Variants in CCDC180 observed in about 807,000 individuals in gnomAD.
CCDC180 encodes the protein coiled-coil domain containing 180, also known as coiled-coil domain-containing protein 180.
CCDC180 carries 154 observed loss-of-function variants against 209.2 expected under a neutral mutation model. The ratio of observed to expected loss-of-function variants is 0.74; its 90% CI spans 0.65 to 0.84. CCDC180 has a LOEUF of 0.84. Among genes scored for constraint, CCDC180 ranks in the 40% least tolerant of loss-of-function variants. The pLI, the probability that CCDC180 is intolerant of heterozygous loss-of-function variation, is 0.00. For synonymous variants in CCDC180, 778 were observed against 749.1 expected, an observed-to-expected ratio of 1.04 and a Z score of -0.63; for missense variants, 1,874 against 1,997.3, an observed-to-expected ratio of 0.94 and a Z score of 1.18.
Position 97,317,107 on chromosome 9 carries a change from C to A in CCDC180, c.838C>A (p.Gln280Lys). The change falls in exon 9 of 37, where the codon CAG becomes AAG. Residue 280 changes from glutamine (Q) to lysine (K), a missense_variant. Transcript: ENST00000529487. ...GCTGGGCAACCGGAAGGCTCTCGCC[C>A]AGCTGTTTGTCAACCTGATGGAGTC... ...ALLGNRKALAQLFVNLMESTL... is the reference protein window; with the variant it reads ...ALLGNRKALAKLFVNLMESTL... 6.2e-7 allele frequency: 1 copy of A among 1,613,480 alleles called. No homozygotes were observed. The highest frequency in any genetic ancestry group is 2.2e-5 in the East Asian group (1 of 44,870).
intron 18 of CCDC180, among the ~76,000 whole-genome samples, chr9:97,335,724 C>G (rs969435450): frequency 6.6e-6 from 1 of 152,204 alleles, no homozygotes; most frequent in African/African-American, 2.4e-5. Flanking sequence ...AATGGTATTT[C>G]TAGTTCTAGA....
At chr9:97,362,081 G>T in intron 27 of CCDC180, 115 bp from the exon 28 acceptor site, 5 of 1,452,140 alleles carry the variant, frequency 3.4e-6, no homozygotes, top group Non-Finnish European at 4.7e-6. Context: ...AATGGGGCTC[G>T]TGACAGGACT....
Position 97,346,579 on chromosome 9 carries a change from C to T in CCDC180, c.2499-735C>T, listed in dbSNP as rs57929025. ...TATTCACAACAGAGAAATGGGCAAACGACATTCATGGACAGTACACAGAAA... is the reference window on the plus strand; with the variant it reads ...TATTCACAACAGAGAAATGGGCAAATGACATTCATGGACAGTACACAGAAA... On this transcript the variant is annotated intron_variant, in intron 19 of 36. Coordinates refer to ENST00000529487, the MANE Select transcript of CCDC180 (RefSeq NM_020893.6). Among the ~76,000 whole-genome samples the T allele has an allele frequency of 5.6e-3, 850 of 152,238 alleles. 13 individuals are homozygous for T. The highest frequency in any genetic ancestry group is 0.018 in the African/African-American group (767 of 41,526).
chr9:97,354,929 A>G lies in CCDC180; in HGVS notation c.3185A>G (p.His1062Arg), dbSNP rs140941396. 5.2e-5 allele frequency: 84 copies of G among 1,614,068 alleles called. No individual in the cohort carries two copies. The African/African-American group carries it at 9.9e-4, about 19-fold the overall frequency. The change falls in exon 24 of 37, where the codon CAT becomes CGT. Residue 1062 changes from histidine to arginine, a missense_variant. Physicochemically the swap from His to Arg is conservative, Grantham distance 29. Coordinates refer to ENST00000529487, the MANE Select transcript of CCDC180 (RefSeq NM_020893.6). ...ATCAACAAGTTTGAAAGCAAATTCC[A>G]TAACCTGTCTGTGGACCTTATTTTC... ...DVINKFESKFHNLSVDLIFIE... is the reference protein window; with the variant it reads ...DVINKFESKFRNLSVDLIFIE...
chr9:97,341,063 T>A (rs1357377240), intron 18 of CCDC180, among the ~76,000 whole-genome samples: 2 of 152,340 alleles, frequency 1.3e-5, no homozygotes, highest in East Asian at 3.9e-4. Context: ...TCTTTCTCTT[T>A]GTCTCCTCTC....
At position 97,366,323 on chromosome 9, in the gene CCDC180, C is replaced by G. The variant is rs556728086; in HGVS notation, c.4048-236C>G. Among the ~76,000 whole-genome samples, 1 of 152,218 alleles carries G rather than the reference C, an allele frequency of 6.6e-6. No individual in the cohort carries two copies. Among genetic ancestry groups the G allele is most frequent in the Non-Finnish European group, 1.5e-5 (1 of 68,044 alleles). On this transcript the variant is annotated intron_variant, in intron 30 of 36. Coordinates refer to ENST00000529487, the MANE Select transcript of CCDC180 (RefSeq NM_020893.6). The surrounding 1 kb of genome is among the most constrained non-coding windows in gnomAD (Gnocchi z 4.3). Reference sequence around the variant, plus strand: ...CTTGAAGGATAAATAGGATTCTTGCCAGTCACTCATTCAGGAAATAACGAG... The same window carrying G: ...CTTGAAGGATAAATAGGATTCTTGCGAGTCACTCATTCAGGAAATAACGAG...
chr9:97,364,112 C>T lies in CCDC180; in HGVS notation c.3964C>T (p.Pro1322Ser). The T allele has an allele frequency of 1.2e-6, 2 of 1,614,108 alleles. No individual in the cohort carries two copies. Among genetic ancestry groups the T allele is most frequent in the Non-Finnish European group, 8.5e-7 (1 of 1,180,018 alleles). ...ERKYRVLGDKPPPAAEDFKGI... is the reference protein window; with the variant it reads ...ERKYRVLGDKSPPAAEDFKGI... Reference sequence around the variant, plus strand: ...AAAGTACCGGGTGCTTGGGGACAAGCCTCCCCCTGCTGCCGAGTGAGTAAC... The same window carrying T: ...AAAGTACCGGGTGCTTGGGGACAAGTCTCCCCCTGCTGCCGAGTGAGTAAC... Residue 1322 changes from proline (P) to serine (S), a missense_variant, in exon 29 of 37, where the codon CCT (proline) becomes TCT (serine). Coordinates refer to ENST00000529487, the MANE Select transcript of CCDC180 (RefSeq NM_020893.6).
intron 19 of CCDC180, chr9:97,345,607 C>T (rs900315526): frequency 2.4e-5 from 10 of 409,994 alleles, no homozygotes; most frequent in Non-Finnish European, 4.3e-5. Flanking sequence ...ATTCTGTAGC[C>T]GGGCATGGTG....
chr9:97,375,717 C>T, intron 36 of CCDC180, 128 bp downstream of exon 36: 1 of 1,108,592 alleles, frequency 9.0e-7, no homozygotes, highest in South Asian at 1.5e-5. Context: ...TGTCAGCACA[C>T]CCCAGAGCTG....
Position 97,326,556 on chromosome 9 carries a change from G to T in CCDC180, c.1548G>T (p.Val516=). The T allele has an allele frequency of 1.2e-6, 2 of 1,601,544 alleles. No homozygotes were observed. Among genetic ancestry groups the T allele is most frequent in the Non-Finnish European group, 1.7e-6 (2 of 1,168,662 alleles). The change falls in exon 15 of 37, where the codon GTG becomes GTT. Residue 516 remains valine (V), a splice_region_variant and synonymous_variant. Coordinates refer to ENST00000529487, the MANE Select transcript of CCDC180 (RefSeq NM_020893.6). ...HRQKHSLESQ[V]QEAHLDRLLD... is the part of the protein sequence containing the mutation. ...CTTGTTTTGGGGGTGGCTTCCAGGTGCAGGAGGCCCACCTCGATAGGCTCT... is the reference window on the plus strand; with the variant it reads ...CTTGTTTTGGGGGTGGCTTCCAGGTTCAGGAGGCCCACCTCGATAGGCTCT...
chr9:97,331,081 G>A (rs889179906), intron 18 of CCDC180, among the ~76,000 whole-genome samples: 12 of 151,112 alleles, frequency 7.9e-5, no homozygotes, highest in African/African-American at 2.7e-4. Flanking sequence ...CTGCTCCCAC[G>A]CTTTACCCTC....
rs966627960 is a variant in CCDC180 at position 97,354,078 on chromosome 9, A to G, written c.3003-491A>G. ...AGTGGCGCAATCTCGGCTCACTGCA[A>G]CCTCTCCCTCCTAGGCTTAAGAAAT... On this transcript the variant is annotated intron_variant, in intron 22 of 36. Coordinates refer to ENST00000529487, the MANE Select transcript of CCDC180 (RefSeq NM_020893.6). 4.0e-5 allele frequency among the ~76,000 whole-genome samples: 6 copies of G among 149,234 alleles called. No individual in the cohort carries two copies. The East Asian group carries it at 1.2e-3, about 30-fold the overall frequency.
At chr9:97,368,266 A>G (rs546480698) in intron 31 of CCDC180, among the ~76,000 whole-genome samples, 5 of 152,350 alleles carry the variant, frequency 3.3e-5, no homozygotes, top group African/African-American at 1.2e-4. Context: ...AGAAACTCTG[A>G]GTGATAAATT....
At chr9:97,337,782 C>A (rs1185798584) in intron 18 of CCDC180, among the ~76,000 whole-genome samples, 1 of 152,140 alleles carries the variant, frequency 6.6e-6, no homozygotes, top group Admixed American at 6.5e-5. Context: ...GGCTGTGAAT[C>A]CATCTGGTCC....
rs773186638 is a variant in CCDC180 at position 97,376,824 on chromosome 9, T to C, written c.4904T>C (p.Ile1635Thr). Residue 1635 changes from isoleucine (I) to threonine (T), a missense_variant, in exon 37 of 37, where the codon ATA (isoleucine) becomes ACA (threonine). Physicochemically the swap from Ile to Thr is moderately conservative, Grantham distance 89 (BLOSUM62 -1). Transcript: ENST00000529487. The stretch of plus-strand genomic sequence containing the variant: ...ATCCAGGATGACTGTACATCTCAGA[T>C]AAAGGAGGCTCAGCGCTGGAAGGAC... ...KRIQDDCTSQ[I>T]KEAQRWKDSW... 3 of 1,613,418 alleles carry C rather than the reference T, an allele frequency of 1.9e-6. No individual in the cohort carries two copies. The highest frequency in any genetic ancestry group is 2.5e-6 in the Non-Finnish European group (3 of 1,179,984).
At position 97,317,256 on chromosome 9, in the gene CCDC180, C is replaced by G. The variant is rs757249838; in HGVS notation, c.959+28C>G. 1.3e-5 allele frequency: 19 copies of G among 1,508,844 alleles called. No homozygotes were observed. In the South Asian group the frequency reaches 2.3e-4, roughly 18 times the overall value. 93.5% of individuals were successfully genotyped at this position (1,508,844 alleles called of 1,614,324 possible). On this transcript the variant is annotated intron_variant, in intron 9 of 36. Coordinates refer to ENST00000529487, the MANE Select transcript of CCDC180 (RefSeq NM_020893.6). ...CAGTGCCGCCCACACAGCTCCTTCT[C>G]CAGCCCACCAGGGGGGCTGGCAAAG...
intron 24 of CCDC180, 56 bp downstream of exon 24, chr9:97,355,064 G>A: frequency 1.7e-6 from 2 of 1,176,576 alleles, no homozygotes; most frequent in Admixed American, 1.7e-5. Context: ...TGCACACCAG[G>A]CACTGTCCCC....
chr9:97,361,780 G>A lies in CCDC180; in HGVS notation c.3538G>A (p.Ala1180Thr). The change falls in exon 27 of 37, where the codon GCC becomes ACC. Residue 1180 changes from alanine to threonine, a missense_variant. By Grantham distance (58) the Ala-to-Thr change is moderately conservative. Coordinates refer to ENST00000529487, the MANE Select transcript of CCDC180 (RefSeq NM_020893.6). ...EDSDILTSSE[A>T]LEEEAKLDVV... ...CAGTGACATCCTGACATCTTCAGAA[G>A]CCCTTGAAGAGGAGGCCAAGCTGGA... The A allele has an allele frequency of 6.2e-7, 1 of 1,614,160 alleles. No homozygotes were observed. The highest frequency in any genetic ancestry group is 8.5e-7 in the Non-Finnish European group (1 of 1,180,034).
At position 97,313,157 on chromosome 9, in the gene CCDC180, G is replaced by T. The variant is rs1833046114; in HGVS notation, c.350-79G>T. 3 of 889,214 alleles carry T rather than the reference G, an allele frequency of 3.4e-6. No homozygotes were observed. The African/African-American group carries it at 4.9e-5, about 15-fold the overall frequency. 55.1% of individuals were successfully genotyped at this position (889,214 alleles called of 1,614,324 possible). ...TCTACCTTCTGAGCCAGGCCTCAGT[G>T]TGCAGGGGCTGTCTGCCTGTGCTGC... On this transcript the variant is annotated intron_variant, in intron 4 of 36. Coordinates refer to ENST00000529487, the MANE Select transcript of CCDC180 (RefSeq NM_020893.6).
Sources: allele counts gnomAD v4.1 joint callset (sites outside exome capture counted in the v4.1 genomes callset), GRCh38; gene constraint gnomAD v4.1.1; non-coding constraint Gnocchi (gnomAD v3.1); transcripts MANE v1.5; gene names NCBI Gene and HGNC (gene_info 2026-07-23, HGNC 2026-07-21).